The following LRRIQ3 variants were observed in gnomAD, a reference collection of about 807,000 sequenced individuals.
LRRIQ3 encodes leucine-rich repeat and IQ domain-containing protein 3.
A neutral mutation model predicts 59.3 loss-of-function variants in LRRIQ3; 75 were observed. That is an observed-to-expected ratio of 1.26 (90% CI 1.05 to 1.53). The LOEUF is 1.53. LRRIQ3 is among the 40% of genes most tolerant of loss of function. The pLI, the probability that LRRIQ3 is intolerant of heterozygous loss-of-function variation, is 0.00. For synonymous variants in LRRIQ3, 250 were observed against 231.3 expected, an observed-to-expected ratio of 1.08 and a Z score of -0.73; for missense variants, 831 against 710.0, an observed-to-expected ratio of 1.17 and a Z score of -1.94.
intron 4 of LRRIQ3, among the ~76,000 whole-genome samples, chr1:74,147,319 A>G (rs1318909612): frequency 6.6e-6 from 1 of 152,162 alleles, no homozygotes; most frequent in Non-Finnish European, 1.5e-5. Flanking sequence ...CAACAAGAAC[A>G]TTCTAAAAAA....
intron 3 of LRRIQ3, among the ~76,000 whole-genome samples, chr1:74,176,125 T>C (rs1002485510): frequency 8.5e-5 from 13 of 152,144 alleles, no homozygotes; most frequent in African/African-American, 3.1e-4. Flanking sequence ...AGCGCTTCCT[T>C]TAGCTATTAT....
At chr1:74,099,950 A>G (rs1360397457) in intron 5 of LRRIQ3, among the ~76,000 whole-genome samples, 1 of 152,204 alleles carries the variant, frequency 6.6e-6, no homozygotes, top group Non-Finnish European at 1.5e-5. Context: ...AGCCAATATC[A>G]TACTGAATGG....
chr1:74,045,172 A>G (rs1654163436), intron 6 of LRRIQ3, among the ~76,000 whole-genome samples: 1 of 152,182 alleles, frequency 6.6e-6, no homozygotes, highest in Admixed American at 6.5e-5. Context: ...AGAAAATTTC[A>G]GGCCACTATC....
chr1:74,139,358 G>T (rs1647191102), intron 4 of LRRIQ3, among the ~76,000 whole-genome samples: 2 of 151,582 alleles, frequency 1.3e-5, no homozygotes, highest in African/African-American at 4.8e-5. Flanking sequence ...AGGACTGGCC[G>T]CTATCCATGC....
intron 3 of LRRIQ3, 67 bp downstream of exon 3, chr1:74,182,471 G>T: frequency 1.1e-6 from 1 of 943,496 alleles, no homozygotes; most frequent in Non-Finnish European, 1.5e-6. Context: ...TTTAGATATA[G>T]AACTCAGAAG....
intron 5 of LRRIQ3, chr1:74,108,891 T>C (rs763577480): frequency 1.1e-4 from 43 of 403,342 alleles, no homozygotes; most frequent in Non-Finnish European, 1.5e-4. Flanking sequence ...TATCTATCTA[T>C]GGTGCTACAG....
intron 5 of LRRIQ3, among the ~76,000 whole-genome samples, chr1:74,079,700 T>C (rs994925905): frequency 1.3e-5 from 2 of 151,814 alleles, no homozygotes; most frequent in African/African-American, 4.8e-5. Flanking sequence ...TACTCAATAA[T>C]TATTCATTAA....
intron 5 of LRRIQ3, among the ~76,000 whole-genome samples, chr1:74,080,174 A>G (rs940376246): frequency 6.6e-6 from 1 of 151,762 alleles, no homozygotes; most frequent in African/African-American, 2.4e-5. Flanking sequence ...CACACAAAAA[A>G]AACCAAAACA....
intron 1 of LRRIQ3, among the ~76,000 whole-genome samples, chr1:74,184,163 T>C (rs1205691395): frequency 6.6e-6 from 1 of 152,086 alleles, no homozygotes; most frequent in Non-Finnish European, 1.5e-5. Flanking sequence ...ATAAAGGTGC[T>C]ATACAGGCCT....
chr1:74,191,909 G>C (rs1406117379), intron 1 of LRRIQ3, among the ~76,000 whole-genome samples: 2 of 151,904 alleles, frequency 1.3e-5, no homozygotes, highest in Non-Finnish European at 2.9e-5. Context: ...AAGTAAATAT[G>C]AGAAAATTTT....
intron 4 of LRRIQ3, among the ~76,000 whole-genome samples, chr1:74,147,492 T>C (rs759529040): frequency 2.7e-4 from 41 of 152,216 alleles, no homozygotes; most frequent in Admixed American, 5.9e-4. Context: ...ACAATCATAG[T>C]AGAGAATAAT....
At chr1:74,089,737 T>C (rs958402202) in intron 5 of LRRIQ3, among the ~76,000 whole-genome samples, 3 of 152,104 alleles carry the variant, frequency 2.0e-5, no homozygotes, top group African/African-American at 7.2e-5. Context: ...ATGAAAATTT[T>C]ATTTAATTAG....
intron 3 of LRRIQ3, among the ~76,000 whole-genome samples, chr1:74,157,571 A>C (rs1283187787): frequency 1.3e-5 from 2 of 151,056 alleles, no homozygotes; most frequent in Non-Finnish European, 3.0e-5. Context: ...TTGTTTTTCT[A>C]TCTCTCATTC....
At chr1:74,171,755 T>A (rs1570253355) in intron 3 of LRRIQ3, among the ~76,000 whole-genome samples, 1 of 152,200 alleles carries the variant, frequency 6.6e-6, no homozygotes, top group South Asian at 2.1e-4. Flanking sequence ...CATCTGACCC[T>A]GGACTTTTCT....
chr1:74,041,598 T>C lies in LRRIQ3; in HGVS notation c.1333A>G (p.Met445Val), dbSNP rs1471657843. The C allele has an allele frequency of 1.1e-5, 17 of 1,613,882 alleles. 1 individual carries two copies. The South Asian group carries it at 1.8e-4, about 17-fold the overall frequency. ...ACTCTTTCTCGAGCAACTTGTGCCA[T>C]GGCTACAACTCTTACTTTTTCTTTA... ...YHKEKVRVVA[M>V]AQVARERVRV... Residue 445 changes from methionine to valine, a missense_variant, in exon 7 of 8, where the codon ATG becomes GTG. Met to Val is a conservative substitution (Grantham distance 21). Transcript: ENST00000354431.
At chr1:74,183,366 G>A in intron 2 of LRRIQ3, 70 bp downstream of exon 2, 1 of 1,304,132 alleles carries the variant, frequency 7.7e-7, no homozygotes, top group Non-Finnish European at 1.0e-6. Context: ...CTGTGGATAG[G>A]TAACATAAGT....
At chr1:74,085,590 G>A (rs2100505127) in intron 5 of LRRIQ3, among the ~76,000 whole-genome samples, 1 of 151,750 alleles carries the variant, frequency 6.6e-6, no homozygotes, top group Non-Finnish European at 1.5e-5. Flanking sequence ...AAGTGAAGAG[G>A]GAAAAGATAA....
intron 3 of LRRIQ3, among the ~76,000 whole-genome samples, chr1:74,169,473 T>C (rs1384095825): frequency 6.6e-6 from 1 of 152,178 alleles, no homozygotes; most frequent in Non-Finnish European, 1.5e-5. Flanking sequence ...TGTACTTTGT[T>C]GAGAAACCTC....
intron 4 of LRRIQ3, among the ~76,000 whole-genome samples, chr1:74,123,582 C>T (rs1269182070): frequency 2.0e-5 from 3 of 152,038 alleles, no homozygotes; most frequent in Admixed American, 1.3e-4. Context: ...CCTTATTTCA[C>T]TTAACATAAT....
Sources: gnomAD v4.1 joint callset for allele counts (sites outside exome capture counted in the v4.1 genomes callset) on GRCh38, gnomAD v4.1.1 for gene constraint, MANE v1.5 for transcripts, NCBI Gene and HGNC (gene_info 2026-07-23, HGNC 2026-07-21) for gene names.